MYH13: variants seen among roughly 807,000 people sequenced by gnomAD.
The protein encoded by MYH13 is myosin heavy chain 13, also known as myosin-13.
MYH13 carries 177 observed loss-of-function variants against 232.1 expected under a neutral mutation model. The ratio of observed to expected loss-of-function variants is 0.76; its 90% CI spans 0.67 to 0.86. MYH13 has a LOEUF of 0.86. Ranked by LOEUF, MYH13 falls within the 40% of genes least tolerant of loss-of-function variation. The pLI is 0.00. For synonymous variants in MYH13, 884 were observed against 923.5 expected (o/e 0.96, Z 0.78); for missense variants, 2,246 against 2,405.9 (o/e 0.93, Z 1.39).
chr17:10,352,061 G>T (rs2071714637), intron 11 of MYH13, among the ~76,000 whole-genome samples: 1 of 152,154 alleles, frequency 6.6e-6, no homozygotes. Flanking sequence ...CCATTTCAGG[G>T]TTGCATATCT....
Position 10,362,182 on chromosome 17 carries a change from C to T in MYH13, c.441G>A (p.Lys147=). The change falls in exon 5 of 41, where the codon AAG becomes AAA. Residue 147 remains lysine (K), a synonymous_variant. Coordinates refer to ENST00000252172, the MANE Select transcript of MYH13 (RefSeq NM_003802.3). ...AGATGTGGGGCGGGGCCTCCTGGCG[C>T]TTTTTGCCTCTGTAGGCAGCCACCA... ...PEVVAAYRGK[K]RQEAPPHIFS... 6.2e-7 allele frequency: 1 copy of T among 1,613,888 alleles called. No individual in the cohort carries two copies. The highest frequency in any genetic ancestry group is 8.5e-7 in the Non-Finnish European group (1 of 1,179,868).
rs767538459 is a variant in MYH13 at position 10,303,489 on chromosome 17, G to A, written c.5476C>T (p.Leu1826=). 1.9e-6 allele frequency: 3 copies of A among 1,613,832 alleles called. No individual in the cohort carries two copies. In the South Asian group the frequency reaches 3.3e-5, roughly 18 times the overall value. Residue 1826 remains leucine, a synonymous_variant, in exon 38 of 41, where the codon CTG becomes TTG. Coordinates refer to ENST00000252172, the MANE Select transcript of MYH13 (RefSeq NM_003802.3). The part of the protein sequence containing the change: ...IQKLENRVRE[L]ENELDVEQKR... ...TGTTCCACATCAAGCTCATTTTCCA[G>A]CTCCCGCACCTGAGTAGGATGAAAG... is the stretch of plus-strand genomic sequence containing the variant.
intron 18 of MYH13, among the ~76,000 whole-genome samples, chr17:10,337,214 A>C (rs2071582221): frequency 6.6e-6 from 1 of 152,120 alleles, no homozygotes; most frequent in African/African-American, 2.4e-5. Flanking sequence ...CCCGGGCGTG[A>C]CTGTCTTTTT....
chr17:10,326,170 C>G (rs1907191229), intron 22 of MYH13, among the ~76,000 whole-genome samples: 1 of 152,148 alleles, frequency 6.6e-6, no homozygotes, highest in African/African-American at 2.4e-5. Context: ...GACGAGATAA[C>G]AGAAGCACAA....
intron 8 of MYH13, among the ~76,000 whole-genome samples, chr17:10,357,465 G>C (rs971482445): frequency 6.6e-6 from 1 of 152,126 alleles, no homozygotes; most frequent in Non-Finnish European, 1.5e-5. Context: ...ATCTCTAATT[G>C]TGGGATTTGA....
At chr17:10,353,555 A>G (rs1471525007) in intron 11 of MYH13, among the ~76,000 whole-genome samples, 1 of 152,164 alleles carries the variant, frequency 6.6e-6, no homozygotes, top group Admixed American at 6.5e-5. Context: ...GTAGTTAGGC[A>G]GACCTGTGTT....
intron 18 of MYH13, among the ~76,000 whole-genome samples, chr17:10,339,054 C>A (rs772950776): frequency 1.3e-5 from 2 of 152,150 alleles, no homozygotes; most frequent in Non-Finnish European, 1.5e-5. Flanking sequence ...AAATACTCTG[C>A]TTAGGATCAC....
chr17:10,320,550 C>A, intron 24 of MYH13, 54 bp from the exon 25 acceptor site: 1 of 1,568,782 alleles, frequency 6.4e-7, no homozygotes, highest in Non-Finnish European at 8.6e-7. Context: ...GTGTTTGCCC[C>A]GTTTATCCAG....
At chr17:10,323,783 A>G (rs1907077661) in intron 23 of MYH13, among the ~76,000 whole-genome samples, 1 of 56,510 alleles carries the variant, frequency 1.8e-5, no homozygotes, top group African/African-American at 4.5e-5. Context: ...AAAAAAAAAA[A>G]AAAAAAGAAG....
At position 10,359,993 on chromosome 17, in the gene MYH13, G is replaced by A; in HGVS notation, c.612C>T (p.Asp204=). ...QYFATIAVTG[D]KKKETQPGKM... ...TGCCTGGCTGTGTCTCCTTCTTCTT[G>A]TCCCCGGTAACTGCAATTGTTGCAA... Residue 204 remains aspartate (D), a synonymous_variant, in exon 7 of 41, where the codon GAC becomes GAT. Transcript: ENST00000252172. The A allele has an allele frequency of 1.2e-6, 2 of 1,614,038 alleles. No homozygotes were observed. Among genetic ancestry groups the A allele is most frequent in the East Asian group, 2.2e-5 (1 of 44,880 alleles).
In MYH13 at chr17:10,345,289, C is replaced by T. The variant is rs755218470; in HGVS notation, c.1497G>A (p.Glu499=). 1 of 1,614,054 alleles carries T rather than the reference C, an allele frequency of 6.2e-7. No homozygotes were observed. Among genetic ancestry groups the T allele is most frequent in the African/African-American group, 1.3e-5 (1 of 74,928 alleles). The stretch of plus-strand genomic sequence containing the variant: ...TGCCTTCCTTCTTGTACTCTTCCTG[C>T]TCCAGCACGAACATGTGGTGGTTGA... ...QFFNHHMFVL[E]QEEYKKEGIE... Residue 499 remains glutamate (E), a synonymous_variant, in exon 15 of 41, where the codon GAG becomes GAA. Transcript: ENST00000252172.
At position 10,345,549 on chromosome 17, in the gene MYH13, C is replaced by T. The variant is rs373857317; in HGVS notation, c.1331G>A (p.Arg444His). The T allele has an allele frequency of 1.1e-4, 175 of 1,614,144 alleles. No individual in the cohort carries two copies. Among genetic ancestry groups the T allele is most frequent in the East Asian group, 4.7e-4 (21 of 44,874 alleles). ...YEKMFLWMVT[R>H]INQQLDTKQP... ...CTTGGTGTCCAGCTGCTGGTTGATG[C>T]GGGTGACCATCCACAGGAACATCTT... Residue 444 changes from arginine (R) to histidine (H), a missense_variant, in exon 14 of 41, where the codon CGC (arginine) becomes CAC (histidine). Coordinates refer to ENST00000252172, the MANE Select transcript of MYH13 (RefSeq NM_003802.3).
intron 37 of MYH13, among the ~76,000 whole-genome samples, chr17:10,305,862 G>A (rs1906262714): frequency 1.3e-5 from 2 of 152,174 alleles, no homozygotes; most frequent in African/African-American, 4.8e-5. Context: ...AACTTTGCTG[G>A]TGCATCAAGC....
At position 10,357,951 on chromosome 17, in the gene MYH13, T is replaced by G. The variant is rs145061899; in HGVS notation, c.646-124A>C. The G allele has an allele frequency of 8.8e-4, 694 of 785,406 alleles. 5 individuals are homozygous for G. In the African/African-American group the frequency reaches 0.011, roughly 13 times the overall value. 48.7% of individuals were successfully genotyped at this position (785,406 alleles called of 1,614,324 possible). Reference sequence around the variant, plus strand: ...AGAGATGTCGACCAGCTCCACCTGGTGGTCAGTGCAGCACCCACGCCCCCA... The same window carrying G: ...AGAGATGTCGACCAGCTCCACCTGGGGGTCAGTGCAGCACCCACGCCCCCA... On this transcript the variant is annotated intron_variant, in intron 7 of 40. Transcript: ENST00000252172.
intron 8 of MYH13, among the ~76,000 whole-genome samples, chr17:10,357,175 T>C (rs953898758): frequency 1.3e-5 from 2 of 152,112 alleles, no homozygotes; most frequent in African/African-American, 4.8e-5. Context: ...CTGGTCAGGC[T>C]CGTCTCAAAC....
At chr17:10,328,308 G>A (rs894686135) in intron 21 of MYH13, among the ~76,000 whole-genome samples, 187 bp from the exon 22 acceptor site, 8 of 152,154 alleles carry the variant, frequency 5.3e-5, no homozygotes, top group Non-Finnish European at 8.8e-5. Flanking sequence ...ACAGAGGTAC[G>A]TGCACAGGTT....
At chr17:10,357,633 A>C (rs901860713) in intron 8 of MYH13, 102 bp downstream of exon 8, 7 of 964,196 alleles carry the variant, frequency 7.3e-6, no homozygotes, top group African/African-American at 1.6e-5. Flanking sequence ...GGGTAGAAAA[A>C]GGCCCCCATA....
chr17:10,370,010 A>G (rs1235557369), intron 2 of MYH13, among the ~76,000 whole-genome samples: 4 of 152,140 alleles, frequency 2.6e-5, no homozygotes, highest in Non-Finnish European at 4.4e-5. Context: ...AATAGCCTCA[A>G]CTTCCACTGG....
chr17:10,341,886 T>G (rs2071622155), intron 16 of MYH13, among the ~76,000 whole-genome samples: 2 of 152,182 alleles, frequency 1.3e-5, no homozygotes, highest in African/African-American at 4.8e-5. Context: ...CTTTCATTTT[T>G]AAAAAATGAT....
Sources: allele counts gnomAD v4.1 joint callset (sites outside exome capture counted in the v4.1 genomes callset), GRCh38; gene constraint gnomAD v4.1.1; transcripts MANE v1.5; gene names NCBI Gene and HGNC (gene_info 2026-07-23, HGNC 2026-07-21).